Variants in LRRC38 observed in about 807,000 individuals in gnomAD.
The protein encoded by LRRC38 is leucine-rich repeat-containing protein 38.
Under a neutral mutation model 16.4 loss-of-function variants are expected in LRRC38, and 5 were observed. The ratio of observed to expected loss-of-function variants is 0.31; its 90% CI spans 0.16 to 0.64. The LOEUF is 0.64. Among genes scored for constraint, LRRC38 ranks in the 30% least tolerant of loss-of-function variants. LRRC38 has a pLI of 0.80. For synonymous variants in LRRC38, 191 were observed against 190.2 expected, an observed-to-expected ratio of 1.00 and a Z score of -0.04; for missense variants, 341 against 401.8, an observed-to-expected ratio of 0.85 and a Z score of 1.29.
intron 1 of LRRC38, among the ~76,000 whole-genome samples, chr1:13,505,113 T>G (rs1639198001): frequency 6.6e-6 from 1 of 152,184 alleles, no homozygotes; most frequent in Non-Finnish European, 1.5e-5. Context: ...GCTGTCCGAT[T>G]CAGCTGGAGT....
chr1:13,504,264 G>A (rs560396797), intron 1 of LRRC38, among the ~76,000 whole-genome samples: 2 of 152,048 alleles, frequency 1.3e-5, no homozygotes, highest in Admixed American at 6.5e-5. Context: ...GAACATCAGG[G>A]GACTTATCTG....
intron 1 of LRRC38, among the ~76,000 whole-genome samples, chr1:13,501,071 G>A (rs1468640159): frequency 6.6e-6 from 1 of 152,026 alleles, no homozygotes; most frequent in Admixed American, 6.6e-5. Context: ...AACTTGCTGT[G>A]GGCTTTAGTG....
At chr1:13,477,876 G>A (rs907037215) in intron 1 of LRRC38, among the ~76,000 whole-genome samples, 4 of 152,122 alleles carry the variant, frequency 2.6e-5, no homozygotes, top group African/African-American at 9.7e-5. Context: ...ATGTAGCCAG[G>A]GGTAGCTGAG....
At chr1:13,512,933 C>CCCCCCCCCCCCCCAA in intron 1 of LRRC38, 30 bp downstream of exon 1, 1 of 1,363,172 alleles carries the variant, frequency 7.3e-7, no homozygotes, top group Non-Finnish European at 1.0e-6. Flanking sequence ...CCCCCTCCCT[C>CCCCCCCCCCCCCCAA]CCTCCCCCAG....
chr1:13,499,307 C>G (rs1639119838), intron 1 of LRRC38, among the ~76,000 whole-genome samples: 1 of 152,178 alleles, frequency 6.6e-6, no homozygotes, highest in Non-Finnish European at 1.5e-5. Flanking sequence ...CCATGTTGGC[C>G]AGGCTGGACT....
At chr1:13,483,308 C>A (rs1191220355) in intron 1 of LRRC38, among the ~76,000 whole-genome samples, 1 of 152,100 alleles carries the variant, frequency 6.6e-6, no homozygotes, top group African/African-American at 2.4e-5. Flanking sequence ...CATGCCACCA[C>A]CCCCAGCTAA....
chr1:13,488,514 C>T (rs1042310158), intron 1 of LRRC38, among the ~76,000 whole-genome samples: 3 of 152,018 alleles, frequency 2.0e-5, no homozygotes, highest in Non-Finnish European at 4.4e-5. Flanking sequence ...TCATGATCCA[C>T]CCACCTCGGC....
intron 1 of LRRC38, among the ~76,000 whole-genome samples, chr1:13,484,081 C>T (rs12093255): frequency 0.054 from 8,203 of 152,148 alleles, 406 homozygotes; most frequent in African/African-American, 0.14. Context: ...AAATCCACAG[C>T]CCGCATCACC....
chr1:13,481,547 A>G (rs1028789813), intron 1 of LRRC38, among the ~76,000 whole-genome samples: 3 of 150,730 alleles, frequency 2.0e-5, no homozygotes, highest in South Asian at 2.1e-4. Flanking sequence ...ACCCACCACC[A>G]CGCCCGGCTA....
chr1:13,504,148 A>G lies in LRRC38; in HGVS notation c.631+8815T>C, dbSNP rs368281289. Among the ~76,000 whole-genome samples the G allele has an allele frequency of 8.5e-5, 13 of 152,350 alleles. No homozygotes were observed. In the East Asian group the frequency reaches 1.3e-3, roughly 16 times the overall value. On this transcript the variant is annotated intron_variant, in intron 1 of 1. Coordinates refer to ENST00000376085, the MANE Select transcript of LRRC38 (RefSeq NM_001010847.2). ...AAGACAAAATAATAACAGCTTCTAT[A>G]CGTGGTGATGGAGGAAATTGCTCAA... is the stretch of plus-strand genomic sequence containing the variant.
At chr1:13,486,026 CCTCCCG>C (rs1024771310) in intron 1 of LRRC38, among the ~76,000 whole-genome samples, 6 of 152,138 alleles carry the variant, frequency 3.9e-5, no homozygotes, top group African/African-American at 1.4e-4. Context: ...GCAACCTCTG[CCTCCCG>C]GGTTCAAGCG....
chr1:13,508,886 C>T (rs968439459), intron 1 of LRRC38, among the ~76,000 whole-genome samples: 1 of 152,178 alleles, frequency 6.6e-6, no homozygotes, highest in African/African-American at 2.4e-5. Context: ...GGAAGTGGAG[C>T]TTCGGGGAAA....
chr1:13,503,991 G>A (rs1052765072), intron 1 of LRRC38, among the ~76,000 whole-genome samples: 3 of 152,238 alleles, frequency 2.0e-5, no homozygotes, highest in Non-Finnish European at 2.9e-5. Flanking sequence ...GGGAGGATGC[G>A]CTGTCTCAGA....
intron 1 of LRRC38, among the ~76,000 whole-genome samples, chr1:13,500,928 G>A (rs567406076): frequency 1.4e-4 from 22 of 152,288 alleles, no homozygotes; most frequent in African/African-American, 5.3e-4. Context: ...GGAGAGGAAT[G>A]AATGAGCGGG....
chr1:13,496,433 A>C (rs1319814621), intron 1 of LRRC38, among the ~76,000 whole-genome samples: 1 of 151,958 alleles, frequency 6.6e-6, no homozygotes, highest in African/African-American at 2.4e-5. Context: ...TCAGCCTCCC[A>C]AGTGCTGGGA....
At chr1:13,481,858 T>C (rs1020746475) in intron 1 of LRRC38, among the ~76,000 whole-genome samples, 6 of 150,292 alleles carry the variant, frequency 4.0e-5, no homozygotes, top group African/African-American at 1.5e-4. Context: ...AAGGCGACCA[T>C]CTGCAAGCCA....
chr1:13,485,752 G>A (rs966601824), intron 1 of LRRC38, among the ~76,000 whole-genome samples: 1 of 152,178 alleles, frequency 6.6e-6, no homozygotes, highest in Non-Finnish European at 1.5e-5. Context: ...TCATTCAAGG[G>A]GGTTGCATGC....
intron 1 of LRRC38, among the ~76,000 whole-genome samples, chr1:13,483,943 G>A (rs1638900048): frequency 6.7e-6 from 1 of 150,066 alleles, no homozygotes. Flanking sequence ...GAGGGGAGGA[G>A]CGGGGAGGGG....
rs539089812 is a variant in LRRC38 at position 13,480,301 on chromosome 1, C to T, written c.632-4202G>A. 7.2e-5 allele frequency among the ~76,000 whole-genome samples: 11 copies of T among 152,328 alleles called. No homozygotes were observed. The East Asian group carries it at 1.2e-3, about 16-fold the overall frequency. ...TAGAGGCTGCAGTGAGCCGAGACCA[C>T]GCCATTGCACTCCAGCCTGGGTAAT... On this transcript the variant is annotated intron_variant, in intron 1 of 1. Transcript: ENST00000376085.
Sources: allele counts gnomAD v4.1 joint callset (sites outside exome capture counted in the v4.1 genomes callset), GRCh38; gene constraint gnomAD v4.1.1; transcripts MANE v1.5; gene names NCBI Gene and HGNC (gene_info 2026-07-23, HGNC 2026-07-21).